PTPN13: variants seen among roughly 807,000 people sequenced by gnomAD.
PTPN13 encodes protein tyrosine phosphatase non-receptor type 13.
Under a neutral mutation model 284.0 loss-of-function variants are expected in PTPN13, and 191 were observed. That is an observed-to-expected ratio of 0.67 (90% CI 0.60 to 0.76). PTPN13 has a LOEUF of 0.76. Among genes scored for constraint, PTPN13 ranks in the 30% least tolerant of loss-of-function variants. The pLI, the probability that PTPN13 is intolerant of heterozygous loss-of-function variation, is 0.00. For synonymous variants in PTPN13, 986 were observed against 1,022.3 expected (o/e 0.96, Z 0.68); for missense variants, 2,797 against 2,939.9 (o/e 0.95, Z 1.12).
At chr4:86,660,694 A>G (rs1726385212) in intron 2 of PTPN13, among the ~76,000 whole-genome samples, 1 of 152,192 alleles carries the variant, frequency 6.6e-6, no homozygotes, top group Non-Finnish European at 1.5e-5. Flanking sequence ...AACAAACTAT[A>G]AAATACAAAA....
Position 86,701,750 on chromosome 4 carries a change from CGAGAGAGACAAAAGAAACTTCAGGTTCT to C in PTPN13, c.1148_1175del (p.Glu383GlyfsTer4), listed in dbSNP as rs1425819179. On this transcript the variant is annotated frameshift_variant, in exon 7 of 48. Coordinates refer to ENST00000411767, the MANE Select transcript of PTPN13 (RefSeq NM_080683.3). LOFTEE classifies it high-confidence loss of function. ...AATATCAAGTGCTTTGGACCGAATC[CGAGAGAGACAAAAGAAACTTCAGGTTCT>C]GAGGGAAGCCATGAATGTAGAAGGT... 1 of 1,613,206 alleles carries C rather than the reference CGAGAGAGACAAAAGAAACTTCAGGTTCT, an allele frequency of 6.2e-7. No homozygotes were observed. The highest frequency in any genetic ancestry group is 8.5e-7 in the Non-Finnish European group (1 of 1,179,696).
intron 1 of PTPN13, among the ~76,000 whole-genome samples, chr4:86,633,693 C>G (rs762454301): frequency 1.9e-4 from 29 of 152,214 alleles, no homozygotes; most frequent in Non-Finnish European, 4.0e-4. Context: ...ATGTTGGTAT[C>G]TGATTGCTAA....
chr4:86,787,306 G>A (rs1742045663), intron 40 of PTPN13, among the ~76,000 whole-genome samples: 1 of 151,782 alleles, frequency 6.6e-6, no homozygotes, highest in African/African-American at 2.4e-5. Context: ...AAACTGTTAA[G>A]TCCTAGCCGG....
intron 1 of PTPN13, among the ~76,000 whole-genome samples, chr4:86,629,925 T>G (rs1413689957): frequency 6.6e-6 from 1 of 151,988 alleles, no homozygotes; most frequent in African/African-American, 2.4e-5. Flanking sequence ...TTCAGCTAAT[T>G]TTTTTAAAAA....
chr4:86,711,868 G>T (rs1044810435), intron 7 of PTPN13, among the ~76,000 whole-genome samples: 1 of 152,150 alleles, frequency 6.6e-6, no homozygotes, highest in African/African-American at 2.4e-5. Context: ...GGCTACACAT[G>T]CATTTAATGT....
At chr4:86,777,757 A>C (rs1468533774) in intron 35 of PTPN13, among the ~76,000 whole-genome samples, 1 of 152,152 alleles carries the variant, frequency 6.6e-6, no homozygotes, top group East Asian at 1.9e-4. Flanking sequence ...TGAACCTGTA[A>C]ATTAGATTGT....
chr4:86,780,926 G>A (rs1479096546), intron 36 of PTPN13, among the ~76,000 whole-genome samples: 1 of 152,034 alleles, frequency 6.6e-6, no homozygotes, highest in African/African-American at 2.4e-5. Context: ...AAATTATAGT[G>A]ACAGCAGCTC....
At chr4:86,682,318 A>G (rs1324044956) in intron 3 of PTPN13, among the ~76,000 whole-genome samples, 1 of 152,232 alleles carries the variant, frequency 6.6e-6, no homozygotes, top group Non-Finnish European at 1.5e-5. Flanking sequence ...GAAATAGAGC[A>G]TCTCTGTGCT....
intron 2 of PTPN13, among the ~76,000 whole-genome samples, chr4:86,648,739 AT>A (rs2148795309): frequency 6.6e-6 from 1 of 152,284 alleles, no homozygotes; most frequent in Admixed American, 6.5e-5. Context: ...TTTTGGATAG[AT>A]ACCTAGCAGT....
chr4:86,751,214 G>A, intron 19 of PTPN13, 90 bp downstream of exon 19: 1 of 980,612 alleles, frequency 1.0e-6, no homozygotes, highest in South Asian at 1.6e-5. Context: ...ATTATTTTGG[G>A]TTCCATGTCC....
At chr4:86,801,420 G>A (rs946120951) in intron 42 of PTPN13, among the ~76,000 whole-genome samples, 2 of 152,140 alleles carry the variant, frequency 1.3e-5, no homozygotes, top group African/African-American at 4.8e-5. Flanking sequence ...TTTGTAATGA[G>A]TTCCTGAGGT....
intron 2 of PTPN13, among the ~76,000 whole-genome samples, chr4:86,671,047 T>G (rs1727669475): frequency 2.0e-5 from 3 of 152,238 alleles, no homozygotes; most frequent in Non-Finnish European, 2.9e-5. Context: ...GCTGACTGAT[T>G]AAAAGTTGCA....
intron 1 of PTPN13, among the ~76,000 whole-genome samples, chr4:86,608,273 A>G (rs771173906): frequency 2.0e-5 from 3 of 152,090 alleles, no homozygotes; most frequent in East Asian, 1.9e-4. Flanking sequence ...AGAATTCACT[A>G]TGTATAGAAT....
intron 7 of PTPN13, among the ~76,000 whole-genome samples, chr4:86,709,164 A>G (rs28537353): frequency 0.016 from 2,405 of 152,208 alleles, 70 homozygotes; most frequent in African/African-American, 0.055. Context: ...TTACCTATCT[A>G]CCTATTTATA....
chr4:86,764,182 A>G (rs1456119559), intron 24 of PTPN13, among the ~76,000 whole-genome samples: 5 of 152,190 alleles, frequency 3.3e-5, no homozygotes, highest in Non-Finnish European at 5.9e-5. Context: ...AGGAAATAAA[A>G]CTAATTTGTA....
At chr4:86,806,670 G>A (rs951559174) in intron 44 of PTPN13, among the ~76,000 whole-genome samples, 64 of 152,242 alleles carry the variant, frequency 4.2e-4, no homozygotes, top group African/African-American at 1.5e-3. Context: ...CAAATGACCA[G>A]TATGGACTAA....
chr4:86,799,276 C>A, intron 42 of PTPN13, 72 bp downstream of exon 42: 12 of 887,852 alleles, frequency 1.4e-5, no homozygotes, highest in East Asian at 2.9e-5. Context: ...GATTTTCAGA[C>A]TATATGGATA....
chr4:86,703,255 A>G (rs1224727644), intron 7 of PTPN13, among the ~76,000 whole-genome samples: 1 of 152,154 alleles, frequency 6.6e-6, no homozygotes, highest in Admixed American at 6.5e-5. Context: ...AATTTATATT[A>G]TACACAACTT....
intron 10 of PTPN13, among the ~76,000 whole-genome samples, chr4:86,730,814 C>T (rs1251313737): frequency 1.3e-5 from 2 of 152,140 alleles, no homozygotes; most frequent in Non-Finnish European, 2.9e-5. Context: ...GCTGCACCCA[C>T]TGTCCAACCA....
Sources: allele counts gnomAD v4.1 joint callset (sites outside exome capture counted in the v4.1 genomes callset), GRCh38; gene constraint gnomAD v4.1.1; transcripts MANE v1.5; gene names NCBI Gene and HGNC (gene_info 2026-07-23, HGNC 2026-07-21).